The following PCDHA11 variants were observed in gnomAD, a reference collection of about 807,000 sequenced individuals.
PCDHA11 encodes protocadherin alpha 11, also known as protocadherin alpha-11.
PCDHA11 carries 61 observed loss-of-function variants against 70.3 expected under a neutral mutation model. The observed-to-expected ratio is 0.87, with a 90% confidence interval of 0.71 to 1.07. The LOEUF (loss-of-function observed/expected upper bound fraction) is 1.07, where lower values mean the gene tolerates loss of function less well. PCDHA11 is among the 50% of genes least tolerant of loss of function. The pLI, the probability that PCDHA11 is intolerant of heterozygous loss-of-function variation, is 0.00. For synonymous variants in PCDHA11, 633 were observed against 555.1 expected, an observed-to-expected ratio of 1.14 and a Z score of -1.97; for missense variants, 1,324 against 1,237.5, an observed-to-expected ratio of 1.07 and a Z score of -1.05.
At chr5:140,876,098 A>G in intron 1 of PCDHA11, 2 of 1,613,962 alleles carry the variant, frequency 1.2e-6, no homozygotes, top group Non-Finnish European at 1.7e-6. Flanking sequence ...CCAAAACTCA[A>G]TTTATTGCTG....
At chr5:141,001,974 C>T (rs1375819013) in intron 3 of PCDHA11, among the ~76,000 whole-genome samples, 1 of 152,136 alleles carries the variant, frequency 6.6e-6, no homozygotes, top group African/African-American at 2.4e-5. Flanking sequence ...TGTCTCTGCG[C>T]GGAAAGCCTG....
intron 1 of PCDHA11, chr5:140,883,837 G>A (rs1554180178): frequency 6.2e-7 from 1 of 1,612,730 alleles, no homozygotes; most frequent in East Asian, 2.2e-5. Context: ...TGCAGCCGTT[G>A]GACCACGAGG....
intron 1 of PCDHA11, among the ~76,000 whole-genome samples, chr5:140,902,974 AGGTT>A (rs2069912537): frequency 6.6e-6 from 1 of 152,178 alleles, no homozygotes. Context: ...ATGGGCATTT[AGGTT>A]GGTTCCATAT....
chr5:140,926,209 T>A (rs553307318), intron 1 of PCDHA11, among the ~76,000 whole-genome samples: 1 of 152,028 alleles, frequency 6.6e-6, no homozygotes, highest in African/African-American at 2.4e-5. Context: ...GGGGGGCTCC[T>A]GTTTCCTTAA....
intron 1 of PCDHA11, among the ~76,000 whole-genome samples, chr5:140,906,323 A>G (rs1487570044): frequency 1.3e-5 from 2 of 152,212 alleles, no homozygotes; most frequent in Non-Finnish European, 2.9e-5. Context: ...AACATGATAC[A>G]ACTATCCTTC....
chr5:140,933,377 C>A lies in PCDHA11; in HGVS notation c.2392-45572C>A, dbSNP rs910236493. Among the ~76,000 whole-genome samples the A allele has an allele frequency of 3.9e-5, 6 of 151,980 alleles. No homozygotes were observed. In the South Asian group the frequency reaches 1.2e-3, roughly 31 times the overall value. On this transcript the variant is annotated intron_variant, in intron 1 of 3. Transcript: ENST00000398640. ...TTCTAACCCATCCCAAATTCCTTGG[C>A]TGTTCCTAGAGCCATCTGGTTACCA...
chr5:140,948,885 T>C (rs2094319889), intron 1 of PCDHA11, among the ~76,000 whole-genome samples: 1 of 151,652 alleles, frequency 6.6e-6, no homozygotes, highest in Non-Finnish European at 1.5e-5. Context: ...TTGCTCTCTT[T>C]TAGATTTTAA....
At chr5:140,976,666 A>G (rs1260651584) in intron 1 of PCDHA11, among the ~76,000 whole-genome samples, 4 of 152,188 alleles carry the variant, frequency 2.6e-5, no homozygotes, top group African/African-American at 9.6e-5. Flanking sequence ...CAAAGTTCAG[A>G]TGTCTCATTT....
chr5:140,871,525 A>T, intron 1 of PCDHA11, 31 bp downstream of exon 1: 1 of 1,546,090 alleles, frequency 6.5e-7, no homozygotes, highest in Non-Finnish European at 8.7e-7. Flanking sequence ...ACCTATCAGG[A>T]AGTGTATGTG....
chr5:140,885,465 C>T (rs1363216895), intron 1 of PCDHA11, among the ~76,000 whole-genome samples: 1 of 152,144 alleles, frequency 6.6e-6, no homozygotes, highest in Non-Finnish European at 1.5e-5. Context: ...TAATGATGGG[C>T]AATCACTTTG....
chr5:140,921,932 T>C (rs1249285993), intron 1 of PCDHA11, among the ~76,000 whole-genome samples: 1 of 152,080 alleles, frequency 6.6e-6, no homozygotes, highest in Non-Finnish European at 1.5e-5. Context: ...ATAGTCAATA[T>C]AATTTTACAC....
chr5:140,880,066 C>T (rs1582502313), intron 1 of PCDHA11, among the ~76,000 whole-genome samples: 1 of 152,176 alleles, frequency 6.6e-6, no homozygotes, highest in East Asian at 1.9e-4. Flanking sequence ...TTTTTGGGGA[C>T]CACAATTCAA....
chr5:140,993,630 C>T (rs1305182880), intron 3 of PCDHA11, among the ~76,000 whole-genome samples: 2 of 152,054 alleles, frequency 1.3e-5, no homozygotes, highest in South Asian at 4.2e-4. Flanking sequence ...TATATATAGT[C>T]GTGTACCAAA....
At chr5:140,871,564 C>T (rs782409405) in intron 1 of PCDHA11, 70 bp downstream of exon 1, 16 of 1,482,712 alleles carry the variant, frequency 1.1e-5, no homozygotes, top group East Asian at 2.5e-5. Flanking sequence ...TTTTTTTTCA[C>T]GGATTTTTTA....
chr5:140,870,480 C>T lies in PCDHA11; in HGVS notation c.1377C>T (p.Tyr459=). 1 of 1,614,236 alleles carries T rather than the reference C, an allele frequency of 6.2e-7. No individual in the cohort carries two copies. The highest frequency in any genetic ancestry group is 8.5e-7 in the Non-Finnish European group (1 of 1,180,050). The change falls in exon 1 of 4, where the codon TAC becomes TAT. Residue 459 remains tyrosine (Y), a synonymous_variant. Transcript: ENST00000398640. ...CGCCTGCGTTCGCACAGCCCGAGTA[C>T]ACCGTGTTCGTGAAGGAGAACAACC... ...DNAPAFAQPE[Y]TVFVKENNPP...
chr5:140,974,680 T>C (rs2096636478), intron 1 of PCDHA11, among the ~76,000 whole-genome samples: 1 of 152,074 alleles, frequency 6.6e-6, no homozygotes, highest in African/African-American at 2.4e-5. Flanking sequence ...CCTGGCTAAT[T>C]TTGTATTTTT....
At chr5:140,913,348 C>A (rs1233529642) in intron 1 of PCDHA11, among the ~76,000 whole-genome samples, 1 of 152,080 alleles carries the variant, frequency 6.6e-6, no homozygotes, top group East Asian at 1.9e-4. Context: ...TCCATTTCCT[C>A]TAGATTTTTA....
chr5:140,928,547 A>T (rs782813761), intron 1 of PCDHA11: 5 of 1,614,206 alleles, frequency 3.1e-6, no homozygotes, highest in Middle Eastern at 3.3e-4. Context: ...AATGACAATT[A>T]TCCGGTTATC....
intron 1 of PCDHA11, chr5:140,926,696 C>A: frequency 1.3e-6 from 1 of 771,792 alleles, no homozygotes; most frequent in Non-Finnish European, 1.9e-6. Context: ...GCAAGCCCGG[C>A]TCCCAGCTGG....
Sources: allele counts gnomAD v4.1 joint callset (sites outside exome capture counted in the v4.1 genomes callset), GRCh38; gene constraint gnomAD v4.1.1; transcripts MANE v1.5; gene names NCBI Gene and HGNC (gene_info 2026-07-23, HGNC 2026-07-21).